The following FHIT variants were observed in gnomAD, a reference collection of about 807,000 sequenced individuals.
The protein encoded by FHIT is fragile histidine triad diadenosine triphosphatase.
Under a neutral mutation model 17.9 loss-of-function variants are expected in FHIT, and 19 were observed. The observed-to-expected ratio is 1.06, with a 90% CI of 0.74 to 1.56. The LOEUF (loss-of-function observed/expected upper bound fraction) is 1.56, where lower values mean the gene tolerates loss of function less well. Among genes scored for constraint, FHIT ranks in the 40% most tolerant of loss-of-function variants. FHIT has a pLI of 0.00. For synonymous variants in FHIT, 81 were observed against 69.7 expected (o/e 1.16, Z -0.81); for missense variants, 248 against 189.2 (o/e 1.31, Z -1.82).
intron 2 of FHIT, among the ~76,000 whole-genome samples, chr3:61,095,474 A>C (rs1459237702): frequency 1.3e-5 from 2 of 152,150 alleles, no homozygotes; most frequent in African/African-American, 4.8e-5. Flanking sequence ...GAACCTGTGC[A>C]AACAGGATTT....
At chr3:60,648,400 GA>G (rs1327278782) in intron 4 of FHIT, among the ~76,000 whole-genome samples, 1 of 152,098 alleles carries the variant, frequency 6.6e-6, no homozygotes, top group African/African-American at 2.4e-5. Context: ...TTAAACTCAG[GA>G]AAATCAATGG....
chr3:60,126,057 T>C (rs560671314), intron 5 of FHIT, among the ~76,000 whole-genome samples: 41 of 152,198 alleles, frequency 2.7e-4, no homozygotes, highest in African/African-American at 8.4e-4. Context: ...AGTTGGCCAG[T>C]GAGGGCTTCA....
chr3:60,693,694 T>G (rs1215234218), intron 4 of FHIT, among the ~76,000 whole-genome samples: 2 of 152,242 alleles, frequency 1.3e-5, no homozygotes, highest in African/African-American at 2.4e-5. Context: ...TACTCTTCAC[T>G]TGACCTCGTC....
chr3:60,058,122 A>C (rs1702154760), intron 5 of FHIT, among the ~76,000 whole-genome samples: 1 of 145,504 alleles, frequency 6.9e-6, no homozygotes. Flanking sequence ...TAATGAGTAC[A>C]GAGTTGTGTT....
At chr3:60,719,969 C>T (rs566699243) in intron 4 of FHIT, among the ~76,000 whole-genome samples, 6 of 152,254 alleles carry the variant, frequency 3.9e-5, no homozygotes, top group Admixed American at 3.9e-4. Flanking sequence ...TCACTTACTG[C>T]AACCAGAGAG....
chr3:60,034,993 C>A (rs1701153938), intron 5 of FHIT, among the ~76,000 whole-genome samples: 1 of 152,136 alleles, frequency 6.6e-6, no homozygotes, highest in Non-Finnish European at 1.5e-5. Flanking sequence ...TTTCCCAATG[C>A]CTCTTTAAAC....
chr3:60,838,996 C>T (rs372179898), intron 3 of FHIT, among the ~76,000 whole-genome samples: 9 of 152,104 alleles, frequency 5.9e-5, no homozygotes, highest in African/African-American at 1.9e-4. Flanking sequence ...AAAGATGGTA[C>T]ATTTGAGAAT....
intron 8 of FHIT, among the ~76,000 whole-genome samples, chr3:59,790,299 T>C (rs925689185): frequency 6.6e-6 from 1 of 152,196 alleles, no homozygotes; most frequent in Non-Finnish European, 1.5e-5. Flanking sequence ...TAGCATTTTG[T>C]ACTTAGCATA....
intron 8 of FHIT, among the ~76,000 whole-genome samples, chr3:59,790,798 T>A (rs1699522992): frequency 6.6e-6 from 1 of 152,194 alleles, no homozygotes; most frequent in Non-Finnish European, 1.5e-5. Flanking sequence ...GTCTTGTTCA[T>A]CATCACAGTC....
chr3:60,010,053 A>C (rs1194890102), intron 7 of FHIT, among the ~76,000 whole-genome samples: 1 of 152,196 alleles, frequency 6.6e-6, no homozygotes, highest in African/African-American at 2.4e-5. Flanking sequence ...TGGCTGAAGG[A>C]ATTCCATCAA....
chr3:60,335,552 T>C (rs937324277), intron 5 of FHIT, among the ~76,000 whole-genome samples: 3 of 152,134 alleles, frequency 2.0e-5, no homozygotes, highest in African/African-American at 7.2e-5. Flanking sequence ...GCATCTACAG[T>C]GTATGCGGTT....
chr3:61,029,550 G>GA (rs983709182), intron 3 of FHIT, among the ~76,000 whole-genome samples: 6 of 152,004 alleles, frequency 3.9e-5, no homozygotes, highest in Non-Finnish European at 1.5e-5. Flanking sequence ...TCAGTGACCT[G>GA]AAAAAAATGG....
At chr3:60,467,791 A>G (rs2032879841) in intron 5 of FHIT, among the ~76,000 whole-genome samples, 1 of 152,082 alleles carries the variant, frequency 6.6e-6, no homozygotes. Context: ...CTCTGCAGCC[A>G]TTGGATAAAA....
At chr3:60,591,556 A>G (rs1314358746) in intron 4 of FHIT, among the ~76,000 whole-genome samples, 1 of 152,064 alleles carries the variant, frequency 6.6e-6, no homozygotes, top group East Asian at 1.9e-4. Context: ...CATAATAACC[A>G]GCATATGAAG....
chr3:61,144,298 T>C (rs1225043607), intron 2 of FHIT, among the ~76,000 whole-genome samples: 1 of 152,246 alleles, frequency 6.6e-6, no homozygotes, highest in African/African-American at 2.4e-5. Flanking sequence ...ATACAGTATG[T>C]GTCCTTTTGC....
At chr3:60,885,616 T>C (rs1450254761) in intron 3 of FHIT, among the ~76,000 whole-genome samples, 3 of 152,210 alleles carry the variant, frequency 2.0e-5, no homozygotes, top group Admixed American at 6.5e-5. Flanking sequence ...CTCTTCAAAA[T>C]TGACTCTTGT....
At chr3:60,661,808 G>A (rs1389925032) in intron 4 of FHIT, among the ~76,000 whole-genome samples, 3 of 152,244 alleles carry the variant, frequency 2.0e-5, no homozygotes, top group African/African-American at 7.2e-5. Context: ...AATTAGTGAT[G>A]TCAAGCAGTT....
chr3:60,903,605 G>A (rs1461130961), intron 3 of FHIT, among the ~76,000 whole-genome samples: 10 of 152,140 alleles, frequency 6.6e-5, no homozygotes, highest in Non-Finnish European at 1.0e-4. Flanking sequence ...TAATTGTGCC[G>A]AGTGCATCTA....
chr3:59,986,518 T>TACACAC (rs1421652731), intron 7 of FHIT, among the ~76,000 whole-genome samples: 1 of 49,898 alleles, frequency 2.0e-5, no homozygotes, highest in African/African-American at 1.2e-4. Context: ...TATATATATA[T>TACACAC]ATATATATAT....
Sources: allele counts gnomAD v4.1 joint callset (sites outside exome capture counted in the v4.1 genomes callset), GRCh38; gene constraint gnomAD v4.1.1; transcripts MANE v1.5; gene names NCBI Gene and HGNC (gene_info 2026-07-23, HGNC 2026-07-21).